Variants in MAD2L2 observed in about 807,000 individuals in gnomAD.
MAD2L2 encodes mitotic spindle assembly checkpoint protein MAD2B.
In MAD2L2, 17 loss-of-function variants were observed where a neutral mutation model predicts 30.5. The observed-to-expected ratio is 0.56, with a 90% CI of 0.38 to 0.84. The LOEUF is 0.84. Ranked by LOEUF, MAD2L2 falls within the 40% of genes least tolerant of loss-of-function variation. The pLI is 0.00. For missense variants in MAD2L2, 213 were observed against 277.4 expected, an observed-to-expected ratio of 0.77 and a Z score of 1.65; for synonymous variants, 101 against 113.9, an observed-to-expected ratio of 0.89 and a Z score of 0.72.
intron 3 of MAD2L2, among the ~76,000 whole-genome samples, chr1:11,678,867 C>T (rs1640815785): frequency 6.6e-6 from 1 of 152,224 alleles, no homozygotes; most frequent in Non-Finnish European, 1.5e-5. Flanking sequence ...GCAACATTAT[C>T]TAACACAAAA....
At chr1:11,676,977 G>A (rs1289212195) in intron 4 of MAD2L2, 29 bp from the exon 5 acceptor site, 1 of 1,545,306 alleles carries the variant, frequency 6.5e-7, no homozygotes. Context: ...CCACTGCAGA[G>A]CCAGGCACCC....
chr1:11,674,857 C>T lies in MAD2L2; in HGVS notation c.595-41G>A. 6.2e-7 allele frequency: 1 copy of T among 1,609,608 alleles called. No individual in the cohort carries two copies. The highest frequency in any genetic ancestry group is 1.3e-5 in the African/African-American group (1 of 74,966). ...AAACAGCCACAGTCAGCAAGACAGC[C>T]AGGGCATCCCTGCTGGAGGACACAG... is the stretch of plus-strand genomic sequence containing the variant. On this transcript the variant is annotated intron_variant, in intron 8 of 8. Coordinates refer to ENST00000376692, the MANE Select transcript of MAD2L2 (RefSeq NM_006341.4). The surrounding 1 kb of genome is among the most constrained non-coding windows in gnomAD (Gnocchi z 6.1).
chr1:11,676,249 A>T (rs1244026644), intron 5 of MAD2L2, 109 bp from the exon 6 acceptor site: 2 of 663,634 alleles, frequency 3.0e-6, no homozygotes, highest in Non-Finnish European at 5.2e-6. Context: ...TGCCTGTGAG[A>T]GTGCTGCATG....
intron 3 of MAD2L2, among the ~76,000 whole-genome samples, chr1:11,679,258 G>C (rs1343954042): frequency 6.6e-6 from 1 of 152,218 alleles, no homozygotes; most frequent in East Asian, 1.9e-4. Flanking sequence ...AGAAAACAAT[G>C]GTGGTGTGGG....
chr1:11,677,075 T>C (rs1640782800), intron 4 of MAD2L2, 127 bp from the exon 5 acceptor site: 1 of 758,396 alleles, frequency 1.3e-6, no homozygotes, highest in Non-Finnish European at 2.3e-6. Flanking sequence ...GCTGCTAGGC[T>C]GGGGGTCCCC....
At chr1:11,685,382 G>A (rs961629356), upstream of MAD2L2, among the ~76,000 whole-genome samples, 4 of 152,176 alleles carry the variant, frequency 2.6e-5, no homozygotes, top group African/African-American at 9.7e-5. Flanking sequence ...GTCGACTTCA[G>A]TGCCCGGGCT....
chr1:11,679,772 C>T (rs990778191), intron 3 of MAD2L2, among the ~76,000 whole-genome samples: 25 of 152,074 alleles, frequency 1.6e-4, no homozygotes, highest in Admixed American at 8.5e-4. Context: ...TGTGATTCGC[C>T]CGCCTCAGCC....
At chr1:11,675,229 C>T in intron 7 of MAD2L2, 55 bp from the exon 8 acceptor site, 1 of 1,258,740 alleles carries the variant, frequency 7.9e-7, no homozygotes, top group Non-Finnish European at 1.1e-6. Flanking sequence ...GGCCTGCCCT[C>T]ACTTTGCTGT....
intron 1 of MAD2L2, 180 bp from the exon 2 acceptor site, chr1:11,680,793 G>T (rs2100713034): frequency 7.5e-7 from 1 of 1,327,278 alleles, no homozygotes; most frequent in Non-Finnish European, 9.6e-7. Flanking sequence ...GTGCTTGGGG[G>T]CATCAGCCTC....
chr1:11,687,055 AT>A lies in MAD2L2; in HGVS notation c.-692+4357del, dbSNP rs999445253. Among the ~76,000 whole-genome samples the A allele has an allele frequency of 7.9e-5, 12 of 151,552 alleles. No homozygotes were observed. The highest frequency in any genetic ancestry group is 1.8e-4 in the Non-Finnish European group (12 of 67,914). On this transcript the variant is annotated intron_variant, in intron 1 of 10. Coordinates refer to the MAD2L2 transcript ENST00000235310. This position sits in a 1 kb window ranked among gnomAD's most constrained non-coding sequence, Gnocchi z 4.1. Reference sequence around the variant, plus strand: ...TACTTTCTGTTCTATGGATTGTCCAATTTTTTTATTTTTTTATTTTATTTTT... The same window carrying A: ...TACTTTCTGTTCTATGGATTGTCCAATTTTTTATTTTTTTATTTTATTTTT...
rs1189808124 is a variant in MAD2L2, at chr1:11,688,959, A to T, written c.-692+2454T>A. Reference sequence around the variant, plus strand: ...CCCACCAGTGCCATGGCAGTTTACAAATGCCATGGCAACATCAGGACGTTA... The same window carrying T: ...CCCACCAGTGCCATGGCAGTTTACATATGCCATGGCAACATCAGGACGTTA... On this transcript the variant is annotated intron_variant, in intron 1 of 10. Coordinates refer to the MAD2L2 transcript ENST00000235310. The surrounding 1 kb of genome is among the most constrained non-coding windows in gnomAD (Gnocchi z 4.6). 6.6e-6 allele frequency among the ~76,000 whole-genome samples: 1 copy of T among 152,150 alleles called. No individual in the cohort carries two copies. Among genetic ancestry groups the T allele is most frequent in the African/African-American group, 2.4e-5 (1 of 41,432 alleles).
chr1:11,683,140 C>G (rs1341367918), upstream of MAD2L2, among the ~76,000 whole-genome samples: 1 of 152,154 alleles, frequency 6.6e-6, no homozygotes. Flanking sequence ...AACTGAGAGC[C>G]AAGTGACTCC....
rs773592566 is a variant in MAD2L2, at chr1:11,688,041, C to G, written c.-692+3372G>C. ...CCAAGCACATCGGAAGATCACCCAG[C>G]CAGGGGACAGCCACAGTAGCAGCAT... On this transcript the variant is annotated intron_variant, in intron 1 of 10. Transcript: ENST00000235310. The surrounding 1 kb of genome is among the most constrained non-coding windows in gnomAD (Gnocchi z 4.6). Among the ~76,000 whole-genome samples, 6 of 152,144 alleles carry G rather than the reference C, an allele frequency of 3.9e-5. No individual in the cohort carries two copies. The highest frequency in any genetic ancestry group is 8.8e-5 in the Non-Finnish European group (6 of 68,036).
chr1:11,683,647 C>T (rs945970331), upstream of MAD2L2, among the ~76,000 whole-genome samples: 3 of 151,946 alleles, frequency 2.0e-5, no homozygotes, highest in Admixed American at 2.0e-4. Flanking sequence ...AATAACTTAC[C>T]CATGTAACCA....
chr1:11,684,303 T>C (rs67654234), upstream of MAD2L2, among the ~76,000 whole-genome samples: 16 of 152,130 alleles, frequency 1.1e-4, no homozygotes, highest in Admixed American at 1.0e-3. Context: ...GGTTGTGGGA[T>C]CCAGATTACA....
upstream of MAD2L2, among the ~76,000 whole-genome samples, chr1:11,683,635 T>C (rs1640911029): frequency 6.6e-6 from 1 of 152,006 alleles, no homozygotes; most frequent in South Asian, 2.1e-4. Flanking sequence ...CAGTCACCAC[T>C]AAATAACTTA....
intron 3 of MAD2L2, among the ~76,000 whole-genome samples, chr1:11,679,673 C>T (rs1050332155): frequency 2.6e-4 from 40 of 151,748 alleles, no homozygotes; most frequent in Admixed American, 1.1e-3. Context: ...ATTACAGGCG[C>T]GTACCACCAC....
rs2100723718 is a variant in MAD2L2 at position 11,690,507 on chromosome 1, T to C, written c.-692+906A>G. On this transcript the variant is annotated intron_variant, in intron 1 of 10. Coordinates refer to the MAD2L2 transcript ENST00000235310. The surrounding 1 kb of genome is among the most constrained non-coding windows in gnomAD (Gnocchi z 4.2). ...ATCATGAGCTCAGAGGTCAGGCGAC[T>C]TGCTCGAGGTCATAGGGGACGGCAT... is the stretch of plus-strand genomic sequence containing the variant. Among the ~76,000 whole-genome samples, 1 of 152,340 alleles carries C rather than the reference T, an allele frequency of 6.6e-6. No homozygotes were observed. The highest frequency in any genetic ancestry group is 1.9e-4 in the East Asian group (1 of 5,192).
At chr1:11,685,901 A>G (rs1419688618), upstream of MAD2L2, among the ~76,000 whole-genome samples, 4 of 152,144 alleles carry the variant, frequency 2.6e-5, no homozygotes, top group African/African-American at 9.7e-5. Flanking sequence ...GCAGTGAGCC[A>G]TGTTTGTACC....
Sources: gnomAD v4.1 joint callset for allele counts (sites outside exome capture counted in the v4.1 genomes callset) on GRCh38, gnomAD v4.1.1 for gene constraint, Gnocchi (gnomAD v3.1) non-coding constraint, MANE v1.5 for transcripts, NCBI Gene and HGNC (gene_info 2026-07-23, HGNC 2026-07-21) for gene names.